Variants in DIAPH3 observed in about 807,000 individuals in gnomAD.
DIAPH3 encodes the protein diaphanous related formin 3, also known as protein diaphanous homolog 3.
DIAPH3 carries 117 observed loss-of-function variants against 144.3 expected under a neutral mutation model. That is an observed-to-expected ratio of 0.81 (90% CI 0.70 to 0.95). The LOEUF (loss-of-function observed/expected upper bound fraction) is 0.95, where lower values mean the gene tolerates loss of function less well. Among genes scored for constraint, DIAPH3 ranks in the 40% least tolerant of loss-of-function variants. DIAPH3 has a pLI of 0.00. For missense variants in DIAPH3, 1,421 were observed against 1,412.7 expected, an observed-to-expected ratio of 1.01 and a Z score of -0.09; for synonymous variants, 519 against 488.9, an observed-to-expected ratio of 1.06 and a Z score of -0.81.
At chr13:59,882,699 A>C (rs2045150522) in intron 20 of DIAPH3, among the ~76,000 whole-genome samples, 1 of 152,236 alleles carries the variant, frequency 6.6e-6, no homozygotes, top group East Asian at 1.9e-4. Context: ...AATAAACATA[A>C]AATGTAAGCT....
rs186588303 is a variant in DIAPH3, at chr13:59,891,479, T to C, written c.2368-12011A>G. 3.6e-3 allele frequency among the ~76,000 whole-genome samples: 547 copies of C among 151,048 alleles called. 3 individuals carry two copies. The highest frequency in any genetic ancestry group is 0.012 in the African/African-American group (512 of 41,306). Reference sequence around the variant, plus strand: ...AAAAAAACAATCTACAATTCTATGATAAAATAAAATGCCCCCACTTTTTAG... The same window carrying C: ...AAAAAAACAATCTACAATTCTATGACAAAATAAAATGCCCCCACTTTTTAG... On this transcript the variant is annotated intron_variant, in intron 20 of 27. Transcript: ENST00000400324.
intron 27 of DIAPH3, among the ~76,000 whole-genome samples, chr13:59,693,658 C>T (rs900086885): frequency 6.6e-6 from 1 of 151,788 alleles, no homozygotes; most frequent in African/African-American, 2.4e-5. Context: ...TCATGAAGCA[C>T]GTGATGGGAT....
At chr13:60,138,946 G>A (rs1349066101) in intron 1 of DIAPH3, among the ~76,000 whole-genome samples, 2 of 152,260 alleles carry the variant, frequency 1.3e-5, no homozygotes, top group Non-Finnish European at 2.9e-5. Context: ...TTGTTTTGAA[G>A]TCCAGATTAT....
At position 59,983,876 on chromosome 13, in the gene DIAPH3, A is replaced by G; in HGVS notation, c.1373T>C (p.Phe458Ser). ...GGATACACACTCATCAATTAATTTGAAGTATTGTTGCCTAAAACCAAAGAA... is the reference window on the plus strand; with the variant it reads ...GGATACACACTCATCAATTAATTTGGAGTATTGTTGCCTAAAACCAAAGAA... ...RNDYFIRQQY[F>S]KLIDECVSQI... The change falls in exon 13 of 28, where the codon TTC (phenylalanine) becomes TCC (serine). Residue 458 changes from phenylalanine to serine, a missense_variant. Transcript: ENST00000400324. 1 of 1,602,500 alleles carries G rather than the reference A, an allele frequency of 6.2e-7. No individual in the cohort carries two copies. Among genetic ancestry groups the G allele is most frequent in the Non-Finnish European group, 8.5e-7 (1 of 1,170,754 alleles).
At chr13:60,039,307 T>A (rs975290502) in intron 5 of DIAPH3, among the ~76,000 whole-genome samples, 2 of 99,666 alleles carry the variant, frequency 2.0e-5, no homozygotes, top group Non-Finnish European at 4.4e-5. Flanking sequence ...TTGATTTCTT[T>A]CTCTTTTTTT....
At chr13:59,778,711 C>T (rs2139310812) in intron 25 of DIAPH3, among the ~76,000 whole-genome samples, 1 of 152,206 alleles carries the variant, frequency 6.6e-6, no homozygotes, top group East Asian at 1.9e-4. Flanking sequence ...TTTCTAACTA[C>T]ACTTTATGTT....
intron 4 of DIAPH3, among the ~76,000 whole-genome samples, chr13:60,049,882 T>C (rs1272825982): frequency 6.6e-6 from 1 of 152,192 alleles, no homozygotes; most frequent in African/African-American, 2.4e-5. Flanking sequence ...ATAATATCTT[T>C]TGTTCTAAGA....
chr13:59,856,799 C>T (rs879920711), intron 22 of DIAPH3, among the ~76,000 whole-genome samples: 2 of 151,950 alleles, frequency 1.3e-5, no homozygotes, highest in Admixed American at 1.3e-4. Context: ...ATAAAAGCAA[C>T]ATCCCACATG....
In DIAPH3 at chr13:59,784,905, T is replaced by C. The variant is rs1030083321; in HGVS notation, c.3164-10082A>G. On this transcript the variant is annotated intron_variant, in intron 25 of 27. Coordinates refer to ENST00000400324, the MANE Select transcript of DIAPH3 (RefSeq NM_001042517.2). ...AACATAATTACATGAATTATTCCTC[T>C]ATGATTCTGGTTATAGAGATTTTTG... Among the ~76,000 whole-genome samples, 6 of 152,230 alleles carry C rather than the reference T, an allele frequency of 3.9e-5. No homozygotes were observed. In the South Asian group the frequency reaches 8.3e-4, roughly 21 times the overall value.
chr13:60,015,946 G>T lies in DIAPH3; in HGVS notation c.738C>A (p.Val246=). ...TCATCAGGGCTTTTAGACACTGTAT[G>T]ACTTTATGTTGATTTTTCTTTACAA... ...EKVVKKNQHK[V]IQCLKALMNT... The change falls in exon 7 of 28, where the codon GTC becomes GTA. Residue 246 remains valine, a synonymous_variant. Transcript: ENST00000400324. The T allele has an allele frequency of 1.2e-6, 2 of 1,613,362 alleles. No homozygotes were observed. The highest frequency in any genetic ancestry group is 2.2e-5 in the South Asian group (2 of 91,014).
chr13:59,681,692 G>A (rs1395843695), intron 27 of DIAPH3, among the ~76,000 whole-genome samples: 1 of 151,662 alleles, frequency 6.6e-6, no homozygotes, highest in African/African-American at 2.4e-5. Flanking sequence ...TGCCAGGTTT[G>A]CACAAAGTGC....
intron 27 of DIAPH3, among the ~76,000 whole-genome samples, chr13:59,713,095 G>A (rs116518102): frequency 6.6e-6 from 1 of 152,172 alleles, no homozygotes; most frequent in Non-Finnish European, 1.5e-5. Flanking sequence ...GTGCCACCCA[G>A]TTCCTAACAT....
At chr13:60,116,716 G>A (rs2058714289) in intron 2 of DIAPH3, among the ~76,000 whole-genome samples, 1 of 151,922 alleles carries the variant, frequency 6.6e-6, no homozygotes, top group Admixed American at 6.6e-5. Context: ...GGAATAATAA[G>A]CTTAAGCACT....
At chr13:59,831,863 G>C (rs368605326) in intron 24 of DIAPH3, among the ~76,000 whole-genome samples, 37 of 151,806 alleles carry the variant, frequency 2.4e-4, no homozygotes, top group African/African-American at 8.0e-4. Flanking sequence ...CATGTGCCAG[G>C]AGCTATGATA....
intron 4 of DIAPH3, among the ~76,000 whole-genome samples, chr13:60,050,618 A>G (rs1051054912): frequency 6.6e-6 from 1 of 152,202 alleles, no homozygotes; most frequent in African/African-American, 2.4e-5. Context: ...TATGTGACAA[A>G]GTCTAAAATA....
At chr13:59,882,533 G>A (rs2045135746) in intron 20 of DIAPH3, among the ~76,000 whole-genome samples, 1 of 152,148 alleles carries the variant, frequency 6.6e-6, no homozygotes, top group African/African-American at 2.4e-5. Context: ...TATCAACACT[G>A]GGGATTTGCA....
chr13:59,943,401 A>G (rs1026426728), intron 17 of DIAPH3, among the ~76,000 whole-genome samples: 4 of 152,212 alleles, frequency 2.6e-5, no homozygotes, highest in Non-Finnish European at 5.9e-5. Flanking sequence ...GGGAAGGACG[A>G]ACACAGACAC....
chr13:60,057,163 C>A (rs2137665), intron 4 of DIAPH3, among the ~76,000 whole-genome samples: 1 of 151,480 alleles, frequency 6.6e-6, no homozygotes, highest in Non-Finnish European at 1.5e-5. Flanking sequence ...AAGACTTCTC[C>A]AAAAGACTCC....
intron 24 of DIAPH3, among the ~76,000 whole-genome samples, chr13:59,822,318 G>C (rs1424357026): frequency 6.6e-6 from 1 of 152,168 alleles, no homozygotes; most frequent in African/African-American, 2.4e-5. Flanking sequence ...GGCAGCCATA[G>C]TGTGCTTAAA....
Sources: allele counts gnomAD v4.1 joint callset (sites outside exome capture counted in the v4.1 genomes callset), GRCh38; gene constraint gnomAD v4.1.1; transcripts MANE v1.5; gene names NCBI Gene and HGNC (gene_info 2026-07-23, HGNC 2026-07-21).